Variants in ADH1C observed in about 807,000 individuals in gnomAD.
ADH1C encodes alcohol dehydrogenase 1C.
ADH1C carries 26 observed loss-of-function variants against 35.0 expected under a neutral mutation model. The ratio of observed to expected loss-of-function variants is 0.74; its 90% CI spans 0.54 to 1.03. The LOEUF (loss-of-function observed/expected upper bound fraction) is 1.03, where lower values mean the gene tolerates loss of function less well. ADH1C is among the 50% of genes least tolerant of loss of function. ADH1C has a pLI of 0.00. For missense variants in ADH1C, 413 were observed against 465.4 expected, an observed-to-expected ratio of 0.89 and a Z score of 1.04; for synonymous variants, 170 against 169.3, an observed-to-expected ratio of 1.00 and a Z score of -0.03.
intron 1 of ADH1C, among the ~76,000 whole-genome samples, chr4:99,348,102 TTTTTA>T (rs77595642): frequency 1.2e-4 from 18 of 151,594 alleles, no homozygotes; most frequent in African/African-American, 4.3e-4. Context: ...AGGTTATTCT[TTTTTA>T]TTTTATTTTA....
In ADH1C at chr4:99,336,764, G is replaced by T. The variant is rs77761914; in HGVS notation, c.1116C>A (p.Val372=). Reference sequence around the variant, plus strand: ...CATCTGTATTGTTTCAAAACGTCAGGACGGTACGGATACTGCAATAGGAAA... The same window carrying T: ...CATCTGTATTGTTTCAAAACGTCAGTACGGTACGGATACTGCAATAGGAAA... ...LLRSGKSIRT[V]LTF The change falls in exon 9 of 9, where the codon GTC becomes GTA. Residue 372 remains valine (V), a synonymous_variant. Coordinates refer to ENST00000515683, the MANE Select transcript of ADH1C (RefSeq NM_000669.5). 1.2e-6 allele frequency: 2 copies of T among 1,613,728 alleles called. No homozygotes were observed. Among genetic ancestry groups the T allele is most frequent in the East Asian group, 4.5e-5 (2 of 44,858 alleles).
At chr4:99,342,390 T>C (rs2110656235) in intron 6 of ADH1C, among the ~76,000 whole-genome samples, 1 of 152,338 alleles carries the variant, frequency 6.6e-6, no homozygotes, top group East Asian at 1.9e-4. Context: ...GTCAAAAAGT[T>C]TGGAATTCGT....
intron 2 of ADH1C, among the ~76,000 whole-genome samples, chr4:99,347,508 A>AT (rs1734564539): frequency 6.6e-6 from 1 of 152,168 alleles, no homozygotes; most frequent in Non-Finnish European, 1.5e-5. Context: ...ATCCCTTTGC[A>AT]TTTTTTTCTG....
chr4:99,351,968 T>C (rs1734688384), intron 1 of ADH1C, among the ~76,000 whole-genome samples: 1 of 152,226 alleles, frequency 6.6e-6, no homozygotes, highest in African/African-American at 2.4e-5. Context: ...ATTGCATTAT[T>C]ATTTTTCTGT....
In ADH1C at chr4:99,347,745, C is replaced by A. The variant is rs762449854; in HGVS notation, c.120G>T (p.Lys40Asn). ...AATACAAATGGAAAAAGTATTTCAC[C>A]TTAATGCGAACTTCATGAGCCTTAG... Reference protein sequence around the residue: ...APPKAHEVRIKMVAAGICRSD... With the variant: ...APPKAHEVRINMVAAGICRSD... Residue 40 changes from lysine (K) to asparagine (N), a missense_variant and splice_region_variant, in exon 2 of 9, where the codon AAG (lysine) becomes AAT (asparagine). Physicochemically the swap from Lys to Asn is moderately conservative, Grantham distance 94 (BLOSUM62 0). Transcript: ENST00000515683. The A allele has an allele frequency of 1.2e-6, 2 of 1,604,382 alleles. No homozygotes were observed. The highest frequency in any genetic ancestry group is 1.7e-6 in the Non-Finnish European group (2 of 1,175,206).
chr4:99,340,917 A>G (rs1254480525), intron 6 of ADH1C, among the ~76,000 whole-genome samples: 1 of 152,248 alleles, frequency 6.6e-6, no homozygotes, highest in Non-Finnish European at 1.5e-5. Context: ...GAATGAAAGC[A>G]TGGACGAATA....
intron 7 of ADH1C, 121 bp from the exon 8 acceptor site, chr4:99,339,836 G>A (rs1161463017): frequency 5.3e-6 from 5 of 947,106 alleles, no homozygotes; most frequent in Non-Finnish European, 6.4e-6. Flanking sequence ...CTATAACTGA[G>A]GATAATAAGA....
chr4:99,336,915 T>C, intron 8 of ADH1C, 139 bp from the exon 9 acceptor site: 1 of 1,218,850 alleles, frequency 8.2e-7, no homozygotes, highest in South Asian at 1.4e-5. Context: ...CCCTATGCAT[T>C]TGGGTCAAGT....
intron 8 of ADH1C, among the ~76,000 whole-genome samples, chr4:99,338,223 C>G (rs1361650660): frequency 1.3e-5 from 2 of 150,594 alleles, no homozygotes; most frequent in African/African-American, 4.9e-5. Flanking sequence ...ATGCGTATTA[C>G]TATATGACAT....
At chr4:99,345,900 T>C (rs576814325) in intron 3 of ADH1C, among the ~76,000 whole-genome samples, 2 of 152,348 alleles carry the variant, frequency 1.3e-5, no homozygotes, top group Admixed American at 1.3e-4. Context: ...GTTAGACACT[T>C]TCTTTTAGGA....
Position 99,352,636 on chromosome 4 carries a change from CAGTAAT to C in ADH1C, c.18+16_18+21del, listed in dbSNP as rs1734704986. On this transcript the variant is annotated intron_variant, in intron 1 of 8. Coordinates refer to ENST00000515683, the MANE Select transcript of ADH1C (RefSeq NM_000669.5). ...TATATTGAAGAGAATATATTATCAA[CAGTAAT>C]ATATTTTTTGCTTACTTTTCCTGCT... The C allele has an allele frequency of 6.3e-7, 1 of 1,578,984 alleles. No homozygotes were observed. Among genetic ancestry groups the C allele is most frequent in the South Asian group, 1.1e-5 (1 of 90,084 alleles).
rs1237514195 is a variant in ADH1C at position 99,352,715 on chromosome 4, T to C, written c.-40A>G. ...CTCTGCAGACCAGGAGGCTGGTGAG[T>C]ACTTGTGGATTTCTTCTCTGCTTGA... On this transcript the variant is annotated 5_prime_UTR_variant, in exon 1 of 9. Coordinates refer to ENST00000515683, the MANE Select transcript of ADH1C (RefSeq NM_000669.5). 2.5e-6 allele frequency: 4 copies of C among 1,610,682 alleles called. No homozygotes were observed. Among genetic ancestry groups the C allele is most frequent in the South Asian group, 2.2e-5 (2 of 90,846 alleles).
At chr4:99,342,023 A>AAAAT (rs1290950516) in intron 6 of ADH1C, among the ~76,000 whole-genome samples, 21 of 142,510 alleles carry the variant, frequency 1.5e-4, no homozygotes, top group South Asian at 2.3e-4. Context: ...AAAAAAAAAA[A>AAAAT]AAATAAATAA....
chr4:99,338,393 T>TTTTATATATATATATA (rs1334509876), intron 8 of ADH1C, among the ~76,000 whole-genome samples: 14 of 73,096 alleles, frequency 1.9e-4, no homozygotes, highest in Non-Finnish European at 3.0e-4. Flanking sequence ...GAATACTGTT[T>TTTTATATATATATATA]TCTATATATA....
intron 3 of ADH1C, among the ~76,000 whole-genome samples, chr4:99,345,525 TA>T (rs1734513050): frequency 6.6e-6 from 1 of 152,230 alleles, no homozygotes; most frequent in Non-Finnish European, 1.5e-5. Context: ...TCAACTGTGT[TA>T]ATAAAATTTT....
At chr4:99,352,191 C>T (rs989758874) in intron 1 of ADH1C, among the ~76,000 whole-genome samples, 1 of 146,650 alleles carries the variant, frequency 6.8e-6, no homozygotes, top group African/African-American at 2.4e-5. Flanking sequence ...TCTCAAATCC[C>T]TCTCATAAAA....
intron 6 of ADH1C, among the ~76,000 whole-genome samples, chr4:99,342,377 T>A (rs1254441499): frequency 6.6e-6 from 1 of 152,214 alleles, no homozygotes; most frequent in Non-Finnish European, 1.5e-5. Flanking sequence ...CGAAGAATAC[T>A]ATGTCAAAAA....
At chr4:99,349,430 C>A (rs545506643) in intron 1 of ADH1C, among the ~76,000 whole-genome samples, 1 of 151,990 alleles carries the variant, frequency 6.6e-6, no homozygotes, top group Non-Finnish European at 1.5e-5. Flanking sequence ...CTAACACTGT[C>A]CTGAAGACAA....
At chr4:99,349,979 G>A (rs555761829) in intron 1 of ADH1C, among the ~76,000 whole-genome samples, 3 of 152,222 alleles carry the variant, frequency 2.0e-5, no homozygotes, top group African/African-American at 7.2e-5. Context: ...CTTTATTGTG[G>A]TAAAGCATGT....
Sources: allele counts gnomAD v4.1 joint callset (sites outside exome capture counted in the v4.1 genomes callset), GRCh38; gene constraint gnomAD v4.1.1; transcripts MANE v1.5; gene names NCBI Gene and HGNC (gene_info 2026-07-23, HGNC 2026-07-21).